DAB2IP: variants seen among roughly 807,000 people sequenced by gnomAD.
The protein encoded by DAB2IP is DAB2 interacting protein.
A neutral mutation model predicts 107.2 loss-of-function variants in DAB2IP; 28 were observed. That is an observed-to-expected ratio of 0.26 (90% confidence interval 0.19 to 0.36). The LOEUF is 0.36. Among genes scored for constraint, DAB2IP ranks in the 10% least tolerant of loss-of-function variants. The pLI, the probability that DAB2IP is intolerant of heterozygous loss-of-function variation, is 1.00. For synonymous variants in DAB2IP, 755 were observed against 706.4 expected (o/e 1.07, Z -1.09); for missense variants, 1,400 against 1,644.7 (o/e 0.85, Z 2.57).
intron 1 of DAB2IP, among the ~76,000 whole-genome samples, chr9:121,668,117 G>A (rs888823398): frequency 1.3e-5 from 2 of 151,932 alleles, no homozygotes; most frequent in East Asian, 1.9e-4. Flanking sequence ...CAACATGTGC[G>A]AATTATGGGA....
At chr9:121,739,961 T>A (rs1283079525) in intron 3 of DAB2IP, among the ~76,000 whole-genome samples, 1 of 152,134 alleles carries the variant, frequency 6.6e-6, no homozygotes, top group Non-Finnish European at 1.5e-5. Context: ...GTGGCCTGGG[T>A]TCACGGGGTA....
chr9:121,716,855 C>T (rs1428632812), intron 3 of DAB2IP, among the ~76,000 whole-genome samples: 1 of 152,210 alleles, frequency 6.6e-6, no homozygotes, highest in African/African-American at 2.4e-5. Context: ...CCTGCAGTCA[C>T]TCTTCCCGCT....
intron 1 of DAB2IP, among the ~76,000 whole-genome samples, chr9:121,592,992 C>T (rs557213770): frequency 1.3e-5 from 2 of 152,204 alleles, no homozygotes; most frequent in South Asian, 2.1e-4. Flanking sequence ...GGAAAGAGCC[C>T]CAGAAGCACT....
chr9:121,754,933 C>A (rs1016988234), intron 3 of DAB2IP, among the ~76,000 whole-genome samples: 6 of 152,226 alleles, frequency 3.9e-5, no homozygotes, highest in Non-Finnish European at 8.8e-5. Flanking sequence ...TGGCTCCCAG[C>A]ATCCTTACCT....
chr9:121,588,588 A>AGGGGGGAAGGGGGAAGGGAAG (rs148108224), intron 1 of DAB2IP, among the ~76,000 whole-genome samples: 1 of 22,734 alleles, frequency 4.4e-5, no homozygotes, highest in African/African-American at 1.4e-4. Flanking sequence ...GGGGAAGGGA[A>AGGGGGGAAGGGGGAAGGGAAG]GGGGGAAGGG....
At chr9:121,669,579 G>C (rs1487064687) in intron 1 of DAB2IP, among the ~76,000 whole-genome samples, 1 of 152,172 alleles carries the variant, frequency 6.6e-6, no homozygotes, top group Non-Finnish European at 1.5e-5. Flanking sequence ...GCTGTCAGAA[G>C]GCAGAGGCAA....
chr9:121,729,499 A>G (rs1490219323), intron 3 of DAB2IP, among the ~76,000 whole-genome samples: 3 of 152,182 alleles, frequency 2.0e-5, no homozygotes, highest in African/African-American at 4.8e-5. Flanking sequence ...CAGCTCCTCC[A>G]TGTTCTCCTC....
At position 121,782,934 on chromosome 9, in the gene DAB2IP, G is replaced by A. The variant is rs1414913362; in HGVS notation, c.*436G>A. On this transcript the variant is annotated 3_prime_UTR_variant, in exon 16 of 16. Transcript: ENST00000408936. The surrounding 1 kb of genome is among the most constrained non-coding windows in gnomAD (Gnocchi z 6.1). ...CCTGTGGCTTCCCCTCGCCTCCTTG[G>A]GGGGCCCGGGACTCCCTGGCAGCCA... 5 of 1,020,902 alleles carry A rather than the reference G, an allele frequency of 4.9e-6. No individual in the cohort carries two copies. Among genetic ancestry groups the A allele is most frequent in the African/African-American group, 1.7e-5 (1 of 58,418 alleles). 63.2% of individuals were successfully genotyped at this position (1,020,902 alleles called of 1,614,324 possible). A position where few individuals can be genotyped will look rare whatever the true frequency, so the allele number is the denominator to read the frequency against.
rs993589718 is a variant in DAB2IP at position 121,684,589 on chromosome 9, G to A, written c.228+5808G>A. The stretch of plus-strand genomic sequence containing the variant: ...CCCAGCCCCAGCTGTAGAGGGACCC[G>A]AAGTTTGGGCTGCGGGCTGCCTGAA... On this transcript the variant is annotated intron_variant, in intron 2 of 15. Transcript: ENST00000408936. The surrounding 1 kb of genome is among the most constrained non-coding windows in gnomAD (Gnocchi z 4.0). Among the ~76,000 whole-genome samples the A allele has an allele frequency of 6.6e-6, 1 of 152,176 alleles. No individual in the cohort carries two copies. Among genetic ancestry groups the A allele is most frequent in the Non-Finnish European group, 1.5e-5 (1 of 68,036 alleles).
At chr9:121,770,605 G>A (rs1348263246) in exon 11 of DAB2IP, 1 of 1,614,114 alleles carries the variant, frequency 6.2e-7, no homozygotes, top group Non-Finnish European at 8.5e-7. Context: ...ACACAGCACT[G>A]AGCACCCCAG....
At chr9:121,657,934 G>A (rs1304569998) in intron 1 of DAB2IP, among the ~76,000 whole-genome samples, 1 of 152,166 alleles carries the variant, frequency 6.6e-6, no homozygotes, top group Non-Finnish European at 1.5e-5. Context: ...CAGAGCCAAG[G>A]CCACTTGCCC....
In DAB2IP at chr9:121,776,459, G is replaced by A; in HGVS notation, c.3314+68G>A. On this transcript the variant is annotated intron_variant, in intron 14 of 15. Coordinates refer to ENST00000408936, the Ensembl canonical transcript of DAB2IP. The surrounding 1 kb of genome is among the most constrained non-coding windows in gnomAD (Gnocchi z 5.4). ...GGCAGCCATCGCTGCCTTCGAGGAG[G>A]CCCCTGGTCGGGGAGCCTCCTCAAA... 6.9e-7 allele frequency: 1 copy of A among 1,441,602 alleles called. No individual in the cohort carries two copies. Among genetic ancestry groups the A allele is most frequent in the South Asian group, 1.5e-5 (1 of 68,004 alleles). The allele number at this position is 1,441,602 out of a possible 1,614,324, so 89.3% of individuals were successfully genotyped here. A position where few individuals can be genotyped will look rare whatever the true frequency, so the allele number is the denominator to read the frequency against.
At chr9:121,659,782 A>G (rs1042102905) in intron 1 of DAB2IP, among the ~76,000 whole-genome samples, 2 of 152,102 alleles carry the variant, frequency 1.3e-5, no homozygotes, top group Non-Finnish European at 2.9e-5. Flanking sequence ...TGACAGAGCG[A>G]GATTCCGTCT....
At chr9:121,761,263 A>T (rs572406059) in intron 6 of DAB2IP, among the ~76,000 whole-genome samples, 2 of 152,330 alleles carry the variant, frequency 1.3e-5, no homozygotes, top group South Asian at 4.1e-4. Flanking sequence ...GCCATTCAGG[A>T]AGCTGGCCAA....
At chr9:121,725,903 T>C (rs1235423592) in intron 3 of DAB2IP, among the ~76,000 whole-genome samples, 1 of 152,156 alleles carries the variant, frequency 6.6e-6, no homozygotes, top group East Asian at 1.9e-4. Context: ...CCTAGATAGA[T>C]CAGCGATTTT....
At chr9:121,649,256 G>A (rs1413001747), upstream of DAB2IP, among the ~76,000 whole-genome samples, 1 of 144,962 alleles carries the variant, frequency 6.9e-6, no homozygotes, top group Non-Finnish European at 1.6e-5. Context: ...ATGGATTGGG[G>A]GTCCATACGT....
chr9:121,625,393 C>T (rs1339480668), intron 1 of DAB2IP, among the ~76,000 whole-genome samples: 1 of 152,082 alleles, frequency 6.6e-6, no homozygotes, highest in Non-Finnish European at 1.5e-5. Context: ...TGCGCACCAT[C>T]ATACCTGGTG....
At chr9:121,666,851 C>G (rs1284426897) in intron 1 of DAB2IP, among the ~76,000 whole-genome samples, 1 of 149,394 alleles carries the variant, frequency 6.7e-6, no homozygotes, top group Non-Finnish European at 1.5e-5. Flanking sequence ...TGGCTTCATC[C>G]CCTATCCCCA....
intron 1 of DAB2IP, among the ~76,000 whole-genome samples, chr9:121,616,708 C>G (rs1831292150): frequency 6.6e-6 from 1 of 152,234 alleles, no homozygotes; most frequent in Non-Finnish European, 1.5e-5. Context: ...CTTGATCACT[C>G]TTCGCCACAG....
Sources: allele counts gnomAD v4.1 joint callset (sites outside exome capture counted in the v4.1 genomes callset), GRCh38; gene constraint gnomAD v4.1.1; non-coding constraint Gnocchi (gnomAD v3.1); transcripts MANE v1.5; gene names NCBI Gene and HGNC (gene_info 2026-07-23, HGNC 2026-07-21).